ARHGAP18: variants seen among roughly 807,000 people sequenced by gnomAD.
ARHGAP18 encodes rho GTPase-activating protein 18.
ARHGAP18 carries 67 observed loss-of-function variants against 86.2 expected under a neutral mutation model. That is an observed-to-expected ratio of 0.78 (90% confidence interval 0.64 to 0.95). The LOEUF (loss-of-function observed/expected upper bound fraction) is 0.95, where lower values mean the gene tolerates loss of function less well. Ranked by LOEUF, ARHGAP18 falls within the 40% of genes least tolerant of loss-of-function variation. The pLI, the probability that ARHGAP18 is intolerant of heterozygous loss-of-function variation, is 0.00. For missense variants in ARHGAP18, 691 were observed against 780.4 expected (o/e 0.89, Z 1.37); for synonymous variants, 283 against 280.4 (o/e 1.01, Z -0.09).
intron 12 of ARHGAP18, among the ~76,000 whole-genome samples, chr6:129,589,967 G>A (rs1367043129): frequency 6.6e-6 from 1 of 152,208 alleles, no homozygotes; most frequent in Admixed American, 6.5e-5. Context: ...AGAACTTGGA[G>A]TCCAATGTTC....
chr6:129,708,280 C>T (rs924702412), intron 1 of ARHGAP18, among the ~76,000 whole-genome samples: 6 of 152,146 alleles, frequency 3.9e-5, no homozygotes, highest in Admixed American at 6.5e-5. Context: ...GGGCAGGCTA[C>T]GTGACAGCCA....
Position 129,599,288 on chromosome 6 carries a change from G to A in ARHGAP18, c.1641C>T (p.Ala547=). Reference sequence around the variant, plus strand: ...CCATTTTCTTCAGCAATTTCTTCATGGCTCTTTTATCCTTTTTATGATTTT... The same window carrying A: ...CCATTTTCTTCAGCAATTTCTTCATAGCTCTTTTATCCTTTTTATGATTTT... ...NTENHKKDKR[A]MKKLLKKMAY... Residue 547 remains alanine, a synonymous_variant, in exon 12 of 15, where the codon GCC becomes GCT. Coordinates refer to ENST00000368149, the MANE Select transcript of ARHGAP18 (RefSeq NM_033515.3). 6.3e-7 allele frequency: 1 copy of A among 1,593,786 alleles called. No individual in the cohort carries two copies. Among genetic ancestry groups the A allele is most frequent in the Non-Finnish European group, 8.5e-7 (1 of 1,172,350 alleles).
chr6:129,595,235 C>T (rs1788592711), intron 12 of ARHGAP18, among the ~76,000 whole-genome samples: 1 of 152,182 alleles, frequency 6.6e-6, no homozygotes, highest in African/African-American at 2.4e-5. Flanking sequence ...CTACACCATT[C>T]ACTGACTCGT....
intron 4 of ARHGAP18, among the ~76,000 whole-genome samples, chr6:129,631,712 T>TA (rs1449212472): frequency 6.6e-6 from 1 of 151,620 alleles, no homozygotes; most frequent in Non-Finnish European, 1.5e-5. Context: ...TGAAATGCCT[T>TA]AAAAAATTTT....
chr6:129,576,540 C>T lies in ARHGAP18; in HGVS notation c.*1973G>A, dbSNP rs939246602. On this transcript the variant is annotated 3_prime_UTR_variant, in exon 15 of 15. Transcript: ENST00000368149. The stretch of plus-strand genomic sequence containing the variant: ...TTATTCAACATTGATGAACTTGGGT[C>T]GTGAGTTCTAAAAGGGATTCAAAAT... 2.0e-5 allele frequency: 3 copies of T among 152,062 alleles called. No individual in the cohort carries two copies. The highest frequency in any genetic ancestry group is 6.5e-5 in the Admixed American group (1 of 15,268). The allele number at this position is 152,062 out of a possible 1,614,324, so 9.4% of individuals were successfully genotyped here.
chr6:129,620,666 G>A (rs1376261720), intron 5 of ARHGAP18, among the ~76,000 whole-genome samples: 2 of 152,198 alleles, frequency 1.3e-5, no homozygotes, highest in African/African-American at 4.8e-5. Context: ...TGATTTTACT[G>A]CATCTATTTT....
chr6:129,676,948 T>TAA (rs559466970), intron 1 of ARHGAP18, among the ~76,000 whole-genome samples: 1 of 107,076 alleles, frequency 9.3e-6, no homozygotes, highest in Non-Finnish European at 1.8e-5. Context: ...TTTTTTTTTT[T>TAA]AAGGAAGGAA....
At chr6:129,688,660 C>T (rs1774474417) in intron 1 of ARHGAP18, among the ~76,000 whole-genome samples, 1 of 152,128 alleles carries the variant, frequency 6.6e-6, no homozygotes, top group Non-Finnish European at 1.5e-5. Flanking sequence ...AGCATGGTGG[C>T]ACATGCCTGT....
At position 129,625,470 on chromosome 6, in the gene ARHGAP18, A is replaced by G. The variant is rs1262554481; in HGVS notation, c.786+3883T>C. 1.4e-3 allele frequency among the ~76,000 whole-genome samples: 59 copies of G among 41,062 alleles called. 12 individuals are homozygous for G. The highest frequency in any genetic ancestry group is 2.3e-3 in the Non-Finnish European group (49 of 21,086). The allele number at this position is 41,062 out of a possible 152,430, so 26.9% of individuals were successfully genotyped here. On this transcript the variant is annotated intron_variant, in intron 5 of 14. Transcript: ENST00000368149. ...TTATATTATATATTATATATAATAT[A>G]TATTTTATATTATATATTATATATA...
Position 129,580,127 on chromosome 6 carries a change from C to A in ARHGAP18, c.1843G>T (p.Val615Phe), listed in dbSNP as rs893979296. The change falls in exon 14 of 15, where the codon GTT becomes TTT. Residue 615 changes from valine to phenylalanine, a missense_variant. Transcript: ENST00000368149. The part of the protein sequence containing the change: ...LARFLSQESG[V>F]AQTLKKGEVF... ...TCTCCTTTCTTGAGAGTCTGGGCAA[C>A]CCCACTATGAGGGACAAAACAAACC... The A allele has an allele frequency of 9.3e-6, 15 of 1,613,448 alleles. No homozygotes were observed. The African/African-American group carries it at 1.6e-4, about 17-fold the overall frequency.
Position 129,607,886 on chromosome 6 carries a change from C to T in ARHGAP18, c.1282+7G>A. 1 of 1,590,580 alleles carries T rather than the reference C, an allele frequency of 6.3e-7. No individual in the cohort carries two copies. Among genetic ancestry groups the T allele is most frequent in the Middle Eastern group, 1.7e-4 (1 of 5,956 alleles). On this transcript the variant is annotated splice_region_variant and intron_variant, in intron 9 of 14. Coordinates refer to ENST00000368149, the MANE Select transcript of ARHGAP18 (RefSeq NM_033515.3). ...GAAGGACTGCTTCAAAGAGGGATAGCACTTACTCTGGACAGCCTGAAAGGC... is the reference window on the plus strand; with the variant it reads ...GAAGGACTGCTTCAAAGAGGGATAGTACTTACTCTGGACAGCCTGAAAGGC...
chr6:129,578,712 A>C, intron 14 of ARHGAP18, 108 bp from the exon 15 acceptor site: 2 of 917,292 alleles, frequency 2.2e-6, no homozygotes, highest in Middle Eastern at 3.1e-4. Context: ...CAAAATACTT[A>C]TTCTACTTTG....
intron 1 of ARHGAP18, among the ~76,000 whole-genome samples, chr6:129,645,553 C>T (rs1773560971): frequency 1.3e-5 from 2 of 152,118 alleles, no homozygotes; most frequent in Admixed American, 1.3e-4. Flanking sequence ...AAGTTCCTTC[C>T]TCCTCCCTCT....
chr6:129,591,213 G>A (rs745933083), intron 12 of ARHGAP18, among the ~76,000 whole-genome samples: 5 of 152,126 alleles, frequency 3.3e-5, no homozygotes, highest in Admixed American at 1.3e-4. Context: ...ATGCCTGATC[G>A]TTAAGCCAGT....
Position 129,600,691 on chromosome 6 carries a change from G to C in ARHGAP18, c.1523C>G (p.Thr508Arg), listed in dbSNP as rs1241041655. 1 of 1,613,696 alleles carries C rather than the reference G, an allele frequency of 6.2e-7. No individual in the cohort carries two copies. Among genetic ancestry groups the C allele is most frequent in the Admixed American group, 1.7e-5 (1 of 59,924 alleles). The part of the protein sequence containing the change: ...EQREFVMAAG[T>R]ANTMHLLIKY... ...AATCAATAAGTGCATGGTATTTGCT[G>C]TCCCAGCTGCCATTACAAATTCTCG... Residue 508 changes from threonine to arginine, a missense_variant, in exon 11 of 15, where the codon ACA (threonine) becomes AGA (arginine). Thr to Arg is a moderately conservative substitution (Grantham distance 71). Coordinates refer to ENST00000368149, the MANE Select transcript of ARHGAP18 (RefSeq NM_033515.3).
chr6:129,609,974 T>G (rs1788944016), intron 8 of ARHGAP18, among the ~76,000 whole-genome samples: 2 of 151,172 alleles, frequency 1.3e-5, no homozygotes, highest in South Asian at 4.1e-4. Flanking sequence ...GCCAGGACAG[T>G]GTGCACTCCC....
At chr6:129,652,727 T>C (rs1773740839) in intron 1 of ARHGAP18, among the ~76,000 whole-genome samples, 1 of 152,224 alleles carries the variant, frequency 6.6e-6, no homozygotes. Flanking sequence ...TCATTCTGGC[T>C]GCTGACTCAC....
intron 13 of ARHGAP18, among the ~76,000 whole-genome samples, chr6:129,581,875 T>A (rs1167358561): frequency 6.6e-6 from 1 of 152,188 alleles, no homozygotes; most frequent in Non-Finnish European, 1.5e-5. Flanking sequence ...TTTCACTTAC[T>A]ATGCGGCCCA....
At chr6:129,593,128 G>A (rs911437016) in intron 12 of ARHGAP18, among the ~76,000 whole-genome samples, 4 of 152,048 alleles carry the variant, frequency 2.6e-5, no homozygotes, top group East Asian at 1.9e-4. Context: ...TGGGTCTAGC[G>A]AGTCACCCAA....
Sources: allele counts gnomAD v4.1 joint callset (sites outside exome capture counted in the v4.1 genomes callset), GRCh38; gene constraint gnomAD v4.1.1; transcripts MANE v1.5; gene names NCBI Gene and HGNC (gene_info 2026-07-23, HGNC 2026-07-21).